The following ZNF334 variants were observed in gnomAD, a reference collection of about 807,000 sequenced individuals.
The protein encoded by ZNF334 is zinc finger protein 334.
In ZNF334, 14 loss-of-function variants were observed where a neutral mutation model predicts 12.4. That is an observed-to-expected ratio of 1.13 (90% confidence interval 0.74 to 1.76). ZNF334 has a LOEUF of 1.76. Ranked by LOEUF, ZNF334 falls within the 40% of genes most tolerant of loss-of-function variation. The pLI is 0.00. For synonymous variants in ZNF334, 273 were observed against 269.6 expected (o/e 1.01, Z -0.12); for missense variants, 797 against 804.5 (o/e 0.99, Z 0.11).
At chr20:46,477,728 T>C in the ZNF334 span, among the ~76,000 whole-genome samples, 1 of 152,246 alleles carries the variant, frequency 6.6e-6, no homozygotes. Flanking sequence ...AATTGCTTAT[T>C]TTTCTAATCC....
the ZNF334 span, among the ~76,000 whole-genome samples, chr20:46,462,847 C>T: frequency 2.2e-4 from 33 of 152,362 alleles, 1 homozygote; most frequent in East Asian, 5.2e-3. Context: ...TTATCACATA[C>T]TCACACTCAC....
chr20:46,487,332 A>G, the ZNF334 span, among the ~76,000 whole-genome samples: 1 of 152,206 alleles, frequency 6.6e-6, no homozygotes, highest in Admixed American at 6.5e-5. Flanking sequence ...ACCACCCACC[A>G]AAGCATCCAT....
the ZNF334 span, chr20:46,465,033 C>T: frequency 2.8e-6 from 1 of 363,468 alleles, no homozygotes. Flanking sequence ...GCCCACTACG[C>T]CATGTGGACT....
the ZNF334 span, among the ~76,000 whole-genome samples, chr20:46,493,715 G>A: frequency 6.6e-6 from 1 of 152,218 alleles, no homozygotes; most frequent in Non-Finnish European, 1.5e-5. Flanking sequence ...ACCAACAAGG[G>A]ATTTACCATC....
rs1332064305 is a variant in ZNF334 at position 46,504,260 on chromosome 20, T to C, written c.195A>G (p.Gly65=). ...KPDVIFKLEQ[G]EEPWIVEEFS... ...ATTCCTCCACTATCCATGGCTCTTC[T>C]CCTTGCTCCAATTTGAAAATCACAT... The change falls in exon 4 of 5, where the codon GGA becomes GGG. Residue 65 remains glycine (G), a synonymous_variant. Transcript: ENST00000692313. The C allele has an allele frequency of 1.2e-6, 2 of 1,613,834 alleles. No individual in the cohort carries two copies. The highest frequency in any genetic ancestry group is 1.7e-6 in the Non-Finnish European group (2 of 1,179,900).
chr20:46,479,328 T>C, the ZNF334 span, among the ~76,000 whole-genome samples: 1 of 152,038 alleles, frequency 6.6e-6, no homozygotes, highest in Admixed American at 6.6e-5. Context: ...CAGGATTCTG[T>C]AAGCCAAAAC....
rs377712295 is a variant in ZNF334, at chr20:46,512,159, C to G, written c.-38-19G>C. On this transcript the variant is annotated intron_variant, in intron 1 of 4. Transcript: ENST00000692313. Reference sequence around the variant, plus strand: ...AGCAGAGCTGGGTAAGGAAGAATGGCGAATGGAATCATGAGCGATTTGGCT... The same window carrying G: ...AGCAGAGCTGGGTAAGGAAGAATGGGGAATGGAATCATGAGCGATTTGGCT... 9 of 1,596,510 alleles carry G rather than the reference C, an allele frequency of 5.6e-6. No homozygotes were observed. The highest frequency in any genetic ancestry group is 1.7e-5 in the Admixed American group (1 of 59,842).
chr20:46,480,999 T>C, the ZNF334 span: 1 of 152,512 alleles, frequency 6.6e-6, no homozygotes, highest in Non-Finnish European at 1.5e-5. Context: ...TACGCTGTTA[T>C]GGATTCCTGG....
At chr20:46,494,852 A>T (rs970324113), downstream of ZNF334, among the ~76,000 whole-genome samples, 4 of 152,144 alleles carry the variant, frequency 2.6e-5, no homozygotes, top group East Asian at 3.9e-4. Flanking sequence ...AAACTCAAAA[A>T]TTTTTCATTG....
intron 4 of ZNF334, among the ~76,000 whole-genome samples, chr20:46,503,808 G>C (rs577314340): frequency 7.0e-4 from 107 of 152,280 alleles, no homozygotes; most frequent in African/African-American, 2.5e-3. Flanking sequence ...AAGGGAAACC[G>C]TGTTATTTCT....
chr20:46,486,766 C>G, the ZNF334 span, among the ~76,000 whole-genome samples: 1 of 152,180 alleles, frequency 6.6e-6, no homozygotes, highest in Non-Finnish European at 1.5e-5. Context: ...GAATTTTACA[C>G]TCCACCCACA....
the ZNF334 span, among the ~76,000 whole-genome samples, chr20:46,466,012 T>C: frequency 6.2e-4 from 95 of 152,172 alleles, 1 homozygote; most frequent in African/African-American, 2.2e-3. Context: ...GGGGAATTCA[T>C]GTTAGGAAAC....
downstream of ZNF334, among the ~76,000 whole-genome samples, chr20:46,495,687 T>A (rs2061010001): frequency 6.6e-6 from 1 of 152,138 alleles, no homozygotes; most frequent in Non-Finnish European, 1.5e-5. Context: ...ACTAAGTCTG[T>A]CTCCACTGTG....
chr20:46,489,620 T>C, the ZNF334 span, among the ~76,000 whole-genome samples: 1 of 144,852 alleles, frequency 6.9e-6, no homozygotes, highest in Non-Finnish European at 1.5e-5. Flanking sequence ...ATCATGCCAT[T>C]GCACTCCAGC....
rs1713384038 is a variant in ZNF334 at position 46,501,748 on chromosome 20, G to GT, written c.1590dup (p.His531ThrfsTer15). The GT allele has an allele frequency of 6.2e-7, 1 of 1,614,064 alleles. No individual in the cohort carries two copies. Among genetic ancestry groups the GT allele is most frequent in the Admixed American group, 1.7e-5 (1 of 60,004 alleles). ...ATAGTTCTCTGATGTACAATGAGGT[G>GT]TGAGTTTTTGCTGACGGCATGCCCA... On this transcript the variant is annotated frameshift_variant, in exon 5 of 5. Transcript: ENST00000692313. LOFTEE classifies it low-confidence loss of function (END_TRUNC).
intron 2 of ZNF334, 90 bp from the exon 3 acceptor site, chr20:46,504,830 T>G: frequency 1.3e-5 from 15 of 1,163,544 alleles, no homozygotes; most frequent in Non-Finnish European, 1.7e-5. Context: ...CTGCCATGGC[T>G]AATGGAAAGC....
At chr20:46,478,286 T>G in the ZNF334 span, among the ~76,000 whole-genome samples, 1 of 152,136 alleles carries the variant, frequency 6.6e-6, no homozygotes, top group African/African-American at 2.4e-5. Context: ...AAGACATTAA[T>G]CAGTACAAAA....
chr20:46,502,397 A>T lies in ZNF334; in HGVS notation c.942T>A (p.Ile314=). 6.2e-7 allele frequency: 1 copy of T among 1,614,030 alleles called. No homozygotes were observed. The highest frequency in any genetic ancestry group is 8.5e-7 in the Non-Finnish European group (1 of 1,179,984). Residue 314 remains isoleucine, a synonymous_variant, in exon 5 of 5, where the codon ATT becomes ATA. Transcript: ENST00000692313. ...DKSALIVHQK[I]HGGEKSYECN... ...ACTCATAGGATTTCTCCCCTCCATG[A>T]ATTTTCTGGTGTACAATAAGGGCAG...
the ZNF334 span, among the ~76,000 whole-genome samples, chr20:46,477,609 T>G: frequency 1.1e-4 from 16 of 152,336 alleles, no homozygotes; most frequent in African/African-American, 3.8e-4. Flanking sequence ...AGTGCTAGGA[T>G]TACAGGTATG....
Sources: allele counts gnomAD v4.1 joint callset (sites outside exome capture counted in the v4.1 genomes callset), GRCh38; gene constraint gnomAD v4.1.1; transcripts MANE v1.5; gene names NCBI Gene and HGNC (gene_info 2026-07-23, HGNC 2026-07-21).